NBAS: variants seen among roughly 807,000 people sequenced by gnomAD.
The protein encoded by NBAS is NBAS subunit of NRZ tethering complex.
Under a neutral mutation model 302.5 loss-of-function variants are expected in NBAS, and 219 were observed. That is an observed-to-expected ratio of 0.72 (90% CI 0.65 to 0.81). NBAS has a LOEUF of 0.81. NBAS is among the 30% of genes least tolerant of loss of function. The pLI, the probability that NBAS is intolerant of heterozygous loss-of-function variation, is 0.00. For missense variants in NBAS, 2,932 were observed against 2,841.6 expected, an observed-to-expected ratio of 1.03 and a Z score of -0.72; for synonymous variants, 1,118 against 1,021.6, an observed-to-expected ratio of 1.09 and a Z score of -1.80.
At chr2:14,910,695 A>G in the NBAS span, among the ~76,000 whole-genome samples, 1 of 152,224 alleles carries the variant, frequency 6.6e-6, no homozygotes, top group Non-Finnish European at 1.5e-5. Context: ...TCAAAATGAA[A>G]CTAAGAACTT....
chr2:15,047,554 A>AAAGGCTGGTCCTGTGCAAGTG, the NBAS span, among the ~76,000 whole-genome samples: 1 of 149,174 alleles, frequency 6.7e-6, no homozygotes, highest in Non-Finnish European at 1.5e-5. Context: ...CCATGCAGGT[A>AAAGGCTGGTCCTGTGCAAGTG]AAGGCTGGGC....
At chr2:14,801,715 G>A in the NBAS span, among the ~76,000 whole-genome samples, 4 of 151,864 alleles carry the variant, frequency 2.6e-5, no homozygotes, top group African/African-American at 9.7e-5. Context: ...ATTTCATTGT[G>A]AGTGGTATTA....
At chr2:14,967,350 A>C in the NBAS span, among the ~76,000 whole-genome samples, 1 of 152,202 alleles carries the variant, frequency 6.6e-6, no homozygotes, top group Non-Finnish European at 1.5e-5. Context: ...ACTTTGAAAA[A>C]GAGCAAAGTT....
In NBAS at chr2:15,252,933, C is replaced by T. The variant is rs1317324020; in HGVS notation, c.5725-14247G>A. Among the ~76,000 whole-genome samples the T allele has an allele frequency of 2.0e-5, 3 of 151,650 alleles. No individual in the cohort carries two copies. In the East Asian group the frequency reaches 5.8e-4, roughly 29 times the overall value. ...GAAATATAAATTAAGTATGTGGGTA[C>T]ACCAAGAAAAAAAATTGTTTTAGAA... On this transcript the variant is annotated intron_variant, in intron 44 of 51. Coordinates refer to ENST00000281513, the MANE Select transcript of NBAS (RefSeq NM_015909.4).
At chr2:15,420,458 A>C (rs1677157613) in intron 23 of NBAS, among the ~76,000 whole-genome samples, 2 of 152,212 alleles carry the variant, frequency 1.3e-5, no homozygotes, top group Admixed American at 1.3e-4. Flanking sequence ...AATAAAAAGC[A>C]AAGAAAGAAG....
chr2:15,049,109 G>A, the NBAS span, among the ~76,000 whole-genome samples: 4 of 140,420 alleles, frequency 2.8e-5, no homozygotes, highest in African/African-American at 5.4e-5. Context: ...GCTCGCTGCC[G>A]CTGAGGCTTT....
chr2:15,376,384 T>C (rs1674738130), intron 30 of NBAS, among the ~76,000 whole-genome samples: 1 of 152,194 alleles, frequency 6.6e-6, no homozygotes, highest in South Asian at 2.1e-4. Flanking sequence ...AAATGATCTC[T>C]GGGAAACACC....
Position 15,473,277 on chromosome 2 carries a change from T to A in NBAS, c.1670A>T (p.Tyr557Phe). ...CGCTGACTTCCTCCACTGCCTCTGA[T>A]ATACAAGGTCAGTATCCAGGCCGTA... ...HTYGLDTDLVYQRQWRKSAVN... is the reference protein window; with the variant it reads ...HTYGLDTDLVFQRQWRKSAVN... The change falls in exon 16 of 52, where the codon TAT becomes TTT. Residue 557 changes from tyrosine to phenylalanine, a missense_variant. Coordinates refer to ENST00000281513, the MANE Select transcript of NBAS (RefSeq NM_015909.4). The A allele has an allele frequency of 1.2e-6, 2 of 1,614,114 alleles. No individual in the cohort carries two copies. The highest frequency in any genetic ancestry group is 1.7e-6 in the Non-Finnish European group (2 of 1,179,962).
At chr2:15,153,532 T>C in the NBAS span, among the ~76,000 whole-genome samples, 5 of 152,232 alleles carry the variant, frequency 3.3e-5, no homozygotes, top group Non-Finnish European at 5.9e-5. Context: ...ACTAGAAGTA[T>C]TCAACTAACA....
chr2:15,536,529 A>T lies in NBAS; in HGVS notation c.536T>A (p.Leu179Ter). The part of the protein sequence containing the change: ...ISPASSFIGD[L>*]SYAIAGLIFL... ...TATCAACCCAGCAATGGCATAGCTT[A>T]AGTCACCTATAAAACTAGATGCCTA... is the stretch of plus-strand genomic sequence containing the variant. The change falls in exon 8 of 52, where the codon TTA becomes TAA. Residue 179 changes from leucine (L) to a stop codon, truncating the protein, a stop_gained. Transcript: ENST00000281513. LOFTEE classifies it high-confidence loss of function. The T allele has an allele frequency of 6.2e-7, 1 of 1,612,084 alleles. No individual in the cohort carries two copies. The highest frequency in any genetic ancestry group is 8.5e-7 in the Non-Finnish European group (1 of 1,179,472).
the NBAS span, among the ~76,000 whole-genome samples, chr2:15,073,482 AAAAAAAAAAT>A: frequency 1.4e-5 from 2 of 139,798 alleles, no homozygotes; most frequent in African/African-American, 6.0e-5. Context: ...TTCTCAAAAA[AAAAAAAAAAT>A]AAAAAATAAA....
chr2:14,779,404 G>C, the NBAS span, among the ~76,000 whole-genome samples: 7 of 152,136 alleles, frequency 4.6e-5, no homozygotes, highest in African/African-American at 1.7e-4. Flanking sequence ...CACCGTTTGA[G>C]TGGAGTGCAA....
chr2:15,002,678 C>G, the NBAS span, among the ~76,000 whole-genome samples: 3 of 152,198 alleles, frequency 2.0e-5, no homozygotes, highest in African/African-American at 4.8e-5. Context: ...GAGCCCTGCC[C>G]GGCGGGAAGG....
At chr2:15,222,710 A>G (rs1667000767) in intron 47 of NBAS, among the ~76,000 whole-genome samples, 1 of 152,220 alleles carries the variant, frequency 6.6e-6, no homozygotes, top group Admixed American at 6.5e-5. Context: ...AAGGTCACAC[A>G]GTAAGTAGTG....
At chr2:15,408,036 C>T (rs1056847405) in intron 25 of NBAS, among the ~76,000 whole-genome samples, 1 of 152,158 alleles carries the variant, frequency 6.6e-6, no homozygotes, top group Non-Finnish European at 1.5e-5. Flanking sequence ...GAAAGATCTG[C>T]TACCTTTAAG....
chr2:15,548,596 T>A (rs1327921244), intron 6 of NBAS, among the ~76,000 whole-genome samples: 2 of 151,902 alleles, frequency 1.3e-5, no homozygotes, highest in Admixed American at 1.3e-4. Flanking sequence ...TGAGCTGAGA[T>A]CGCACCACTG....
chr2:15,528,998 C>T (rs1663088439), intron 9 of NBAS, among the ~76,000 whole-genome samples: 1 of 151,478 alleles, frequency 6.6e-6, no homozygotes, highest in Middle Eastern at 3.2e-3. Context: ...CCCCCAACCG[C>T]TAACATGGTG....
chr2:15,441,851 G>T (rs1340146381), intron 21 of NBAS, among the ~76,000 whole-genome samples: 3 of 151,812 alleles, frequency 2.0e-5, no homozygotes, highest in African/African-American at 7.3e-5. Context: ...GGCAGGGGTT[G>T]CAATGCTAGT....
At chr2:15,101,289 G>C in the NBAS span, among the ~76,000 whole-genome samples, 1 of 151,344 alleles carries the variant, frequency 6.6e-6, no homozygotes, top group African/African-American at 2.4e-5. Flanking sequence ...ATAATTCCAG[G>C]GGCAGTAAAA....
Sources: allele counts gnomAD v4.1 joint callset (sites outside exome capture counted in the v4.1 genomes callset), GRCh38; gene constraint gnomAD v4.1.1; transcripts MANE v1.5; gene names NCBI Gene and HGNC (gene_info 2026-07-23, HGNC 2026-07-21).